Variants in CYRIB observed in about 807,000 individuals in gnomAD.
The protein encoded by CYRIB is CYFIP related Rac1 interactor B.
In CYRIB, 8 loss-of-function variants were observed where a neutral mutation model predicts 44.2. The ratio of observed to expected loss-of-function variants is 0.18; its 90% CI spans 0.11 to 0.33. The LOEUF is 0.33. Ranked by LOEUF, CYRIB falls within the 10% of genes least tolerant of loss-of-function variation. The pLI is 1.00. For missense variants in CYRIB, 185 were observed against 382.8 expected (o/e 0.48, Z 4.31); for synonymous variants, 131 against 127.2 (o/e 1.03, Z -0.20).
At chr8:129,849,416 C>CT in intron 9 of CYRIB, 47 bp from the exon 12 acceptor site, 1 of 1,556,328 alleles carries the variant, frequency 6.4e-7, no homozygotes. Context: ...TTACAAAATT[C>CT]TTTTTAAAAA....
At chr8:129,947,442 T>C (rs1253125195) in intron 2 of CYRIB, among the ~76,000 whole-genome samples, 1 of 152,118 alleles carries the variant, frequency 6.6e-6, no homozygotes, top group Non-Finnish European at 1.5e-5. Flanking sequence ...CCACCTCTTG[T>C]TACAATGTCA....
chr8:129,908,315 G>T (rs2076445627), intron 1 of CYRIB, among the ~76,000 whole-genome samples: 1 of 152,034 alleles, frequency 6.6e-6, no homozygotes, highest in African/African-American at 2.4e-5. Context: ...ACGATAATTT[G>T]TAACAGGGAG....
chr8:129,851,898 A>G, intron 8 of CYRIB: 2 of 338,698 alleles, frequency 5.9e-6, no homozygotes, highest in Non-Finnish European at 1.1e-5. Context: ...AACTAAAGAA[A>G]GGGCAGGGTT....
chr8:129,845,336 G>A (rs10101179), intron 11 of CYRIB, among the ~76,000 whole-genome samples: 2,319 of 152,246 alleles, frequency 0.015, 52 homozygotes, highest in African/African-American at 0.049. Flanking sequence ...AGTCTTGGGA[G>A]AAAAATCAGG....
intron 2 of CYRIB, among the ~76,000 whole-genome samples, chr8:129,948,134 G>T (rs557988551): frequency 6.6e-6 from 1 of 152,192 alleles, no homozygotes; most frequent in Non-Finnish European, 1.5e-5. Flanking sequence ...GTTTGCAGCC[G>T]GAAAAGCTGA....
At chr8:129,880,872 A>G (rs1458702508) in intron 2 of CYRIB, among the ~76,000 whole-genome samples, 3 of 152,194 alleles carry the variant, frequency 2.0e-5, no homozygotes, top group Non-Finnish European at 4.4e-5. Flanking sequence ...GTCAAATCCT[A>G]TTGGGAACAC....
intron 2 of CYRIB, 89 bp from the exon 5 acceptor site, chr8:129,879,560 A>G: frequency 3.2e-6 from 3 of 940,096 alleles, no homozygotes; most frequent in Non-Finnish European, 4.9e-6. Flanking sequence ...TAACAGGGAA[A>G]ATGTTCATTA....
Position 129,978,406 on chromosome 8 carries a change from T to A in CYRIB, c.-295-7411A>T, listed in dbSNP as rs578130128. On this transcript the variant is annotated intron_variant, in intron 1 of 14. Coordinates refer to the CYRIB transcript ENST00000401979. ...ATTTGTCTTGGTTGATTTGAACTTG[T>A]AGGAAAAACTGCAATGTCTGAAACC... 1.3e-3 allele frequency among the ~76,000 whole-genome samples: 205 copies of A among 152,350 alleles called. 1 individual carries two copies. The highest frequency in any genetic ancestry group is 4.7e-3 in the African/African-American group (194 of 41,576).
rs11984705 is a variant in CYRIB at position 130,006,607 on chromosome 8, C to T, written c.-296+9763G>A. ...TAAAAACACAAATTATATATATATA[C>T]ATATATATGTGTATATATATACATA... is the stretch of plus-strand genomic sequence containing the variant. On this transcript the variant is annotated intron_variant, in intron 1 of 14. Coordinates refer to the CYRIB transcript ENST00000401979. 5.1e-3 allele frequency among the ~76,000 whole-genome samples: 36 copies of T among 7,096 alleles called. 3 individuals are homozygous for T. Among genetic ancestry groups the T allele is most frequent in the Non-Finnish European group, 8.9e-3 (30 of 3,370 alleles). 4.7% of individuals were successfully genotyped at this position (7,096 alleles called of 152,430 possible).
At chr8:129,914,143 G>A (rs997340428) in intron 1 of CYRIB, among the ~76,000 whole-genome samples, 8 of 152,098 alleles carry the variant, frequency 5.3e-5, no homozygotes, top group Non-Finnish European at 1.0e-4. Context: ...AAATCCATGA[G>A]ATACTTTTTT....
intron 2 of CYRIB, among the ~76,000 whole-genome samples, chr8:129,889,755 A>AG (rs907953665): frequency 2.6e-5 from 4 of 151,982 alleles, no homozygotes; most frequent in African/African-American, 9.7e-5. Context: ...TGAGTGGATG[A>AG]GGAGTTGCTT....
intron 2 of CYRIB, among the ~76,000 whole-genome samples, chr8:129,951,197 G>A (rs568947577): frequency 2.1e-4 from 32 of 152,192 alleles, no homozygotes; most frequent in African/African-American, 7.5e-4. Context: ...CCAGTTACTC[G>A]GGAGGCTGGG....
At chr8:129,943,911 T>TAAA (rs545370945), upstream of CYRIB, among the ~76,000 whole-genome samples, 12 of 108,034 alleles carry the variant, frequency 1.1e-4, no homozygotes, top group African/African-American at 3.3e-4. Context: ...GACTCCATCT[T>TAAA]AAAAAAAAAA....
intron 3 of CYRIB, among the ~76,000 whole-genome samples, chr8:129,875,197 T>C (rs998280239): frequency 3.9e-5 from 6 of 151,938 alleles, no homozygotes; most frequent in Non-Finnish European, 5.9e-5. Context: ...GAATAAGCTA[T>C]AAATTAACAC....
intron 1 of CYRIB, among the ~76,000 whole-genome samples, chr8:129,998,478 T>C (rs1477426132): frequency 2.0e-5 from 3 of 152,068 alleles, no homozygotes; most frequent in African/African-American, 7.2e-5. Flanking sequence ...AATGCACAAG[T>C]TTCCACAATT....
At chr8:130,015,940 G>A (rs1271510402) in intron 1 of CYRIB, among the ~76,000 whole-genome samples, 1 of 152,092 alleles carries the variant, frequency 6.6e-6, no homozygotes, top group East Asian at 1.9e-4. Context: ...AGGTGGCCGG[G>A]GGCCAGCGCT....
chr8:129,907,559 T>C (rs549826740), intron 1 of CYRIB, among the ~76,000 whole-genome samples: 91 of 152,240 alleles, frequency 6.0e-4, no homozygotes, highest in African/African-American at 1.8e-3. Context: ...AACCTGCACA[T>C]TGTGCACATG....
At chr8:129,866,839 G>T (rs771900227) in intron 4 of CYRIB, among the ~76,000 whole-genome samples, 2 of 152,112 alleles carry the variant, frequency 1.3e-5, no homozygotes, top group African/African-American at 4.8e-5. Context: ...ACATTTTATG[G>T]TTCTTCCTTA....
chr8:130,015,294 T>C (rs2097316096), intron 1 of CYRIB, among the ~76,000 whole-genome samples: 2 of 152,214 alleles, frequency 1.3e-5, no homozygotes, highest in African/African-American at 4.8e-5. Context: ...GCACCCTTTC[T>C]AGGTGCTGGG....
Sources: gnomAD v4.1 joint callset for allele counts (sites outside exome capture counted in the v4.1 genomes callset) on GRCh38, gnomAD v4.1.1 for gene constraint, MANE v1.5 for transcripts, NCBI Gene and HGNC (gene_info 2026-07-23, HGNC 2026-07-21) for gene names.